The following LGR5 variants were observed in gnomAD, a reference collection of about 807,000 sequenced individuals.
LGR5 encodes the protein leucine-rich repeat-containing G protein-coupled receptor 5.
In LGR5, 54 loss-of-function variants were observed where a neutral mutation model predicts 76.7. That is an observed-to-expected ratio of 0.70 (90% CI 0.57 to 0.88). The LOEUF is 0.88. Among genes scored for constraint, LGR5 ranks in the 40% least tolerant of loss-of-function variants. The pLI is 0.00. For missense variants in LGR5, 1,078 were observed against 1,073.3 expected (o/e 1.00, Z -0.06); for synonymous variants, 406 against 421.9 (o/e 0.96, Z 0.46).
At chr12:71,569,943 TG>T (rs1257691741) in intron 11 of LGR5, among the ~76,000 whole-genome samples, 3 of 152,084 alleles carry the variant, frequency 2.0e-5, no homozygotes, top group Non-Finnish European at 4.4e-5. Flanking sequence ...ATAAAGAAAA[TG>T]TGCTACATAT....
chr12:71,527,962 C>T (rs1200436936), intron 3 of LGR5, among the ~76,000 whole-genome samples: 1 of 152,186 alleles, frequency 6.6e-6, no homozygotes, highest in Non-Finnish European at 1.5e-5. Flanking sequence ...ACTGTCCCTC[C>T]ATACCAACTA....
chr12:71,527,357 A>C (rs749955566), intron 3 of LGR5, among the ~76,000 whole-genome samples: 3 of 152,204 alleles, frequency 2.0e-5, no homozygotes, highest in Non-Finnish European at 2.9e-5. Context: ...TATTTCTCAC[A>C]GTTCTGGAGG....
intron 2 of LGR5, among the ~76,000 whole-genome samples, chr12:71,512,972 C>A (rs1875238624): frequency 6.6e-6 from 1 of 152,178 alleles, no homozygotes; most frequent in African/African-American, 2.4e-5. Flanking sequence ...GAGAGAGGCT[C>A]TGTGTTTCCC....
At chr12:71,581,683 T>TCA in intron 16 of LGR5, among the ~76,000 whole-genome samples, 1 of 152,344 alleles carries the variant, frequency 6.6e-6, no homozygotes, top group East Asian at 1.9e-4. Flanking sequence ...CCAAAATTAT[T>TCA]CACTCAAAAC....
intron 1 of LGR5, among the ~76,000 whole-genome samples, chr12:71,483,919 A>G (rs1240644260): frequency 6.6e-6 from 1 of 152,202 alleles, no homozygotes; most frequent in Non-Finnish European, 1.5e-5. Context: ...TGTAAACCAG[A>G]GGTTTCTAGC....
At chr12:71,570,562 AT>A (rs1379716668) in intron 11 of LGR5, among the ~76,000 whole-genome samples, 1 of 152,110 alleles carries the variant, frequency 6.6e-6, no homozygotes, top group East Asian at 1.9e-4. Flanking sequence ...AATCAGGTAT[AT>A]TTGTGCATAG....
chr12:71,545,000 C>T (rs113204423), intron 4 of LGR5, among the ~76,000 whole-genome samples: 8,822 of 151,868 alleles, frequency 0.058, 341 homozygotes, highest in African/African-American at 0.12. Context: ...GGCCAGGAGC[C>T]GTGGCTCACA....
rs151206916 is a variant in LGR5, at chr12:71,584,428, G to C, written c.2418G>C (p.Leu806=). ...CTGAAGTAATTAAGTTTATCCTTCT[G>C]GTGGTAGTCCCACTTCCTGCATGTC... is the stretch of plus-strand genomic sequence containing the variant. ...ISPEVIKFIL[L]VVVPLPACLN... Residue 806 remains leucine (L), a synonymous_variant, in exon 18 of 18, where the codon CTG becomes CTC. Coordinates refer to ENST00000266674, the MANE Select transcript of LGR5 (RefSeq NM_003667.4). 6.2e-7 allele frequency: 1 copy of C among 1,613,714 alleles called. No individual in the cohort carries two copies. The highest frequency in any genetic ancestry group is 1.3e-5 in the African/African-American group (1 of 74,882).
rs753933845 is a variant in LGR5 at position 71,583,932 on chromosome 12, GT to G, written c.1928del (p.Leu643CysfsTer24). 1 of 1,614,184 alleles carries G rather than the reference GT, an allele frequency of 6.2e-7. No homozygotes were observed. Among genetic ancestry groups the G allele is most frequent in the Non-Finnish European group, 8.5e-7 (1 of 1,180,036 alleles). ...AATGGGGTTGGTTGCCATGTCATTG[GT>G]TTTTTGTCCATTTTTGCTTCAGAAT... is the stretch of plus-strand genomic sequence containing the variant. ...WENGVGCHVI[G>X]FLSIFASESS... On this transcript the variant is annotated frameshift_variant, in exon 18 of 18. Coordinates refer to ENST00000266674, the MANE Select transcript of LGR5 (RefSeq NM_003667.4). LOFTEE classifies it low-confidence loss of function (END_TRUNC).
chr12:71,492,643 G>A (rs887196087), intron 1 of LGR5, among the ~76,000 whole-genome samples: 8 of 152,298 alleles, frequency 5.3e-5, no homozygotes, highest in Admixed American at 5.2e-4. Context: ...TGTCTTGAGA[G>A]TCAAACCGAT....
intron 8 of LGR5, among the ~76,000 whole-genome samples, chr12:71,562,821 T>C (rs1329724510): frequency 6.6e-6 from 1 of 152,168 alleles, no homozygotes; most frequent in Non-Finnish European, 1.5e-5. Context: ...GTTGGTCCTG[T>C]GCCAACTGGA....
chr12:71,468,739 G>A (rs1044437849), intron 1 of LGR5, among the ~76,000 whole-genome samples: 1 of 131,500 alleles, frequency 7.6e-6, no homozygotes, highest in Non-Finnish European at 1.6e-5. Flanking sequence ...TTTTTGGTGC[G>A]TGGACATGTT....
At chr12:71,472,245 A>G (rs1491001205) in intron 1 of LGR5, among the ~76,000 whole-genome samples, 2 of 152,206 alleles carry the variant, frequency 1.3e-5, no homozygotes, top group African/African-American at 2.4e-5. Context: ...TTTATATACC[A>G]TGTACAATTC....
intron 11 of LGR5, among the ~76,000 whole-genome samples, chr12:71,569,227 G>A (rs1797379): frequency 0.88 from 134,142 of 152,250 alleles, 61,077 homozygotes; most frequent in East Asian, 1. Flanking sequence ...TCTAGTCAAT[G>A]TCATTCAGGA....
intron 1 of LGR5, 62 bp from the exon 2 acceptor site, chr12:71,504,552 C>A: frequency 7.8e-7 from 1 of 1,275,780 alleles, no homozygotes; most frequent in Non-Finnish European, 1.1e-6. Flanking sequence ...GTGAATTGAA[C>A]AGCTGGATTT....
rs1872766828 is a variant in LGR5, at chr12:71,463,934, G to GTTAAAA, written c.212+23642_212+23643insTTAAAA. Among the ~76,000 whole-genome samples, 4 of 152,128 alleles carry GTTAAAA rather than the reference G, an allele frequency of 2.6e-5. No homozygotes were observed. The South Asian group carries it at 8.3e-4, about 32-fold the overall frequency. ...TGACTTTTAAACCAAAAGTTTAAAAGGAGGCCTTTGTCAGTATAGGCAAAA... is the reference window on the plus strand; with the variant it reads ...TGACTTTTAAACCAAAAGTTTAAAAGTTAAAAGAGGCCTTTGTCAGTATAGGCAAAA... On this transcript the variant is annotated intron_variant, in intron 1 of 17. Coordinates refer to ENST00000266674, the MANE Select transcript of LGR5 (RefSeq NM_003667.4).
At chr12:71,526,489 A>G (rs372244033) in intron 3 of LGR5, among the ~76,000 whole-genome samples, 5 of 152,292 alleles carry the variant, frequency 3.3e-5, no homozygotes, top group Admixed American at 2.6e-4. Flanking sequence ...CTACTAACCA[A>G]TGTTTCCTGT....
intron 1 of LGR5, among the ~76,000 whole-genome samples, chr12:71,490,733 C>T (rs541586157): frequency 6.6e-6 from 1 of 152,162 alleles, no homozygotes; most frequent in Non-Finnish European, 1.5e-5. Flanking sequence ...TCCCTGTGTT[C>T]CTGAGCCAGG....
At chr12:71,447,258 T>C (rs775545870) in intron 1 of LGR5, among the ~76,000 whole-genome samples, 4 of 152,234 alleles carry the variant, frequency 2.6e-5, no homozygotes, top group Middle Eastern at 3.2e-3. Context: ...TACAGACTTA[T>C]GTGTCAATTA....
Sources: gnomAD v4.1 joint callset for allele counts (sites outside exome capture counted in the v4.1 genomes callset) on GRCh38, gnomAD v4.1.1 for gene constraint, MANE v1.5 for transcripts, NCBI Gene and HGNC (gene_info 2026-07-23, HGNC 2026-07-21) for gene names.